Variants in PIBF1 observed in about 807,000 individuals in gnomAD.
PIBF1 encodes progesterone immunomodulatory binding factor 1, also known as progesterone-induced-blocking factor 1.
PIBF1 carries 90 observed loss-of-function variants against 112.5 expected under a neutral mutation model. The observed-to-expected ratio is 0.80, with a 90% confidence interval of 0.67 to 0.95. PIBF1 has a LOEUF of 0.95. PIBF1 is among the 40% of genes least tolerant of loss of function. The pLI is 0.00. For missense variants in PIBF1, 915 were observed against 852.3 expected, an observed-to-expected ratio of 1.07 and a Z score of -0.92; for synonymous variants, 301 against 288.6, an observed-to-expected ratio of 1.04 and a Z score of -0.44.
In PIBF1 at chr13:72,859,446, A is replaced by G. The variant is rs2038595022; in HGVS notation, c.1322+5291A>G. Among the ~76,000 whole-genome samples, 3 of 152,194 alleles carry G rather than the reference A, an allele frequency of 2.0e-5. No homozygotes were observed. The South Asian group carries it at 6.2e-4, about 31-fold the overall frequency. On this transcript the variant is annotated intron_variant, in intron 10 of 17. Transcript: ENST00000326291. ...GTTGTTAGAGAATTATTAATTAAAA[A>G]ATGGGTATATGGTACTCATCTATAA...
At chr13:72,864,888 C>T (rs2038858780) in intron 10 of PIBF1, among the ~76,000 whole-genome samples, 1 of 152,148 alleles carries the variant, frequency 6.6e-6, no homozygotes, top group African/African-American at 2.4e-5. Flanking sequence ...CAACATGTTT[C>T]AGTTTAACTT....
At chr13:72,982,375 G>T (rs1440104296) in intron 16 of PIBF1, among the ~76,000 whole-genome samples, 1 of 152,124 alleles carries the variant, frequency 6.6e-6, no homozygotes, top group Non-Finnish European at 1.5e-5. Context: ...GGTTGAGGCT[G>T]CAGTGAGCAG....
chr13:73,013,508 A>T (rs966084866), intron 17 of PIBF1, among the ~76,000 whole-genome samples: 2 of 151,762 alleles, frequency 1.3e-5, no homozygotes, highest in Non-Finnish European at 2.9e-5. Flanking sequence ...ATCATTTTCA[A>T]ACTACAGAAA....
At chr13:72,998,746 AT>A in intron 16 of PIBF1, 75 bp from the exon 17 acceptor site, 1 of 943,130 alleles carries the variant, frequency 1.1e-6, no homozygotes, top group African/African-American at 1.7e-5. Flanking sequence ...ACTTAAAAAT[AT>A]TTTAATATTA....
intron 10 of PIBF1, among the ~76,000 whole-genome samples, chr13:72,856,164 G>A (rs1182910076): frequency 6.6e-6 from 1 of 152,112 alleles, no homozygotes; most frequent in East Asian, 1.9e-4. Context: ...AACAATAGAG[G>A]ATTCAATTAT....
At chr13:72,809,589 G>GTTTT (rs34696804) in intron 5 of PIBF1, among the ~76,000 whole-genome samples, 16 of 100,888 alleles carry the variant, frequency 1.6e-4, no homozygotes, top group Non-Finnish European at 2.4e-4. Flanking sequence ...TTTTTTTTTG[G>GTTTT]TTTTTTTTTT....
At chr13:72,941,434 C>T (rs567887304) in intron 14 of PIBF1, among the ~76,000 whole-genome samples, 5 of 152,258 alleles carry the variant, frequency 3.3e-5, no homozygotes, top group African/African-American at 4.8e-5. Context: ...TTGATATATG[C>T]TCTCCTTCTA....
chr13:72,946,736 A>T (rs551085541), intron 14 of PIBF1, among the ~76,000 whole-genome samples: 1 of 152,360 alleles, frequency 6.6e-6, no homozygotes, highest in South Asian at 2.1e-4. Flanking sequence ...CCAACAGGAC[A>T]GTCAAATCTT....
At chr13:72,871,962 A>G (rs1471116668) in intron 10 of PIBF1, among the ~76,000 whole-genome samples, 1 of 152,116 alleles carries the variant, frequency 6.6e-6, no homozygotes, top group African/African-American at 2.4e-5. Context: ...TATCACCACT[A>G]ACAGATGGAT....
At chr13:72,846,996 G>A (rs2037905355) in intron 9 of PIBF1, among the ~76,000 whole-genome samples, 1 of 152,118 alleles carries the variant, frequency 6.6e-6, no homozygotes, top group Non-Finnish European at 1.5e-5. Context: ...CTACTCAAAG[G>A]TTTATAATGG....
chr13:72,807,514 G>T (rs1367380804), intron 5 of PIBF1, among the ~76,000 whole-genome samples: 1 of 152,172 alleles, frequency 6.6e-6, no homozygotes, highest in Non-Finnish European at 1.5e-5. Flanking sequence ...GGTGGAGGTT[G>T]TAGTGAGCCA....
intron 10 of PIBF1, among the ~76,000 whole-genome samples, chr13:72,871,935 A>T (rs192078185): frequency 1.3e-4 from 20 of 152,270 alleles, no homozygotes; most frequent in Admixed American, 1.2e-3. Flanking sequence ...ATATCATTTA[A>T]TAGCACCCAG....
At chr13:73,013,839 C>G (rs1236043134) in intron 17 of PIBF1, among the ~76,000 whole-genome samples, 1 of 151,910 alleles carries the variant, frequency 6.6e-6, no homozygotes, top group Non-Finnish European at 1.5e-5. Flanking sequence ...TCTGACTTCT[C>G]AGAAACAATG....
At position 72,821,848 on chromosome 13, in the gene PIBF1, G is replaced by C. The variant is rs781286960; in HGVS notation, c.673-1G>C. 3 of 1,608,486 alleles carry C rather than the reference G, an allele frequency of 1.9e-6. No individual in the cohort carries two copies. The South Asian group carries it at 3.3e-5, about 18-fold the overall frequency. ...TGTGTTATTATTCCTTTGGTTTATA[G>C]ACATATGAGGAAGATCGAAAAAACT... On this transcript the variant is annotated splice_acceptor_variant, in intron 5 of 17. Coordinates refer to ENST00000326291, the MANE Select transcript of PIBF1 (RefSeq NM_006346.4). LOFTEE classifies it high-confidence loss of function.
At chr13:72,826,155 AAG>A (rs2036803514) in intron 6 of PIBF1, among the ~76,000 whole-genome samples, 1 of 152,074 alleles carries the variant, frequency 6.6e-6, no homozygotes, top group Admixed American at 6.5e-5. Context: ...AAAAATAAAA[AAG>A]CACAAAATAC....
chr13:72,800,550 G>A (rs550269292), intron 5 of PIBF1, among the ~76,000 whole-genome samples: 7 of 152,264 alleles, frequency 4.6e-5, no homozygotes, highest in Admixed American at 3.3e-4. Flanking sequence ...TTCTCCGTCC[G>A]TAAAATAGGG....
intron 11 of PIBF1, among the ~76,000 whole-genome samples, chr13:72,904,391 T>C (rs1307123555): frequency 1.3e-5 from 2 of 149,814 alleles, no homozygotes; most frequent in African/African-American, 4.9e-5. Context: ...GAAATACATG[T>C]GTTGCATACA....
intron 13 of PIBF1, among the ~76,000 whole-genome samples, chr13:72,923,980 T>TTA (rs2041394215): frequency 6.6e-6 from 1 of 152,168 alleles, no homozygotes; most frequent in African/African-American, 2.4e-5. Flanking sequence ...AAAATTTTTT[T>TTA]AAATAAAGAT....
chr13:72,838,776 A>G (rs1420175080), intron 9 of PIBF1, among the ~76,000 whole-genome samples: 1 of 152,232 alleles, frequency 6.6e-6, no homozygotes, highest in Non-Finnish European at 1.5e-5. Context: ...GGACTCAAAT[A>G]TAGAAGTACG....
Sources: gnomAD v4.1 joint callset for allele counts (sites outside exome capture counted in the v4.1 genomes callset) on GRCh38, gnomAD v4.1.1 for gene constraint, MANE v1.5 for transcripts, NCBI Gene and HGNC (gene_info 2026-07-23, HGNC 2026-07-21) for gene names.